FANCL: variants seen among roughly 807,000 people sequenced by gnomAD.
FANCL encodes FA complementation group L, also known as E3 ubiquitin-protein ligase FANCL.
In FANCL, 69 loss-of-function variants were observed where a neutral mutation model predicts 59.4. That is an observed-to-expected ratio of 1.16 (90% confidence interval 0.96 to 1.42). The LOEUF is 1.42. Ranked by LOEUF, FANCL falls within the 40% of genes most tolerant of loss-of-function variation. The pLI, the probability that FANCL is intolerant of heterozygous loss-of-function variation, is 0.00. For synonymous variants in FANCL, 180 were observed against 147.1 expected (o/e 1.22, Z -1.62); for missense variants, 519 against 447.2 (o/e 1.16, Z -1.45).
chr2:58,192,583 T>A (rs912989700), intron 7 of FANCL, among the ~76,000 whole-genome samples: 1 of 152,006 alleles, frequency 6.6e-6, no homozygotes, highest in Non-Finnish European at 1.5e-5. Context: ...AATATCTTCA[T>A]AATAATGTAA....
At chr2:58,198,710 T>A (rs781090269) in intron 6 of FANCL, 48 bp from the exon 7 acceptor site, 6 of 1,438,242 alleles carry the variant, frequency 4.2e-6, no homozygotes, top group Middle Eastern at 1.8e-4. Flanking sequence ...TGTGTGTTAA[T>A]ATCACTGAGG....
chr2:58,224,994 A>T (rs1051487516), intron 4 of FANCL, among the ~76,000 whole-genome samples: 1 of 151,936 alleles, frequency 6.6e-6, no homozygotes, highest in African/African-American at 2.4e-5. Flanking sequence ...CCCACAAAGA[A>T]ATCATGATTC....
At chr2:58,226,620 G>T in intron 4 of FANCL, 108 bp downstream of exon 4, 1 of 813,828 alleles carries the variant, frequency 1.2e-6, no homozygotes, top group Non-Finnish European at 2.1e-6. Flanking sequence ...TCAAATGACT[G>T]AGAGTTAAGA....
At chr2:58,178,193 C>G (rs1016383717) in intron 7 of FANCL, among the ~76,000 whole-genome samples, 2 of 152,126 alleles carry the variant, frequency 1.3e-5, no homozygotes, top group African/African-American at 4.8e-5. Context: ...CCTTCTGAAA[C>G]TATTTCAAAC....
At chr2:58,159,862 G>A in intron 13 of FANCL, 62 bp from the exon 14 acceptor site, 2 of 1,602,822 alleles carry the variant, frequency 1.2e-6, no homozygotes, top group Non-Finnish European at 1.7e-6. Flanking sequence ...AAATTGCTTT[G>A]TACTAGAAAT....
At chr2:58,211,648 C>A (rs1428185380) in intron 5 of FANCL, among the ~76,000 whole-genome samples, 1 of 151,526 alleles carries the variant, frequency 6.6e-6, no homozygotes, top group Non-Finnish European at 1.5e-5. Flanking sequence ...AAACTAAATG[C>A]TTTTAATAGC....
chr2:58,235,314 T>G (rs2103967992), intron 1 of FANCL, among the ~76,000 whole-genome samples: 1 of 151,894 alleles, frequency 6.6e-6, no homozygotes, highest in East Asian at 1.9e-4. Context: ...CAAAACAATC[T>G]CAAAGTTCAT....
Position 58,202,692 on chromosome 2 carries a change from T to C in FANCL, c.471+1438A>G, listed in dbSNP as rs182883988. 8.6e-5 allele frequency among the ~76,000 whole-genome samples: 13 copies of C among 151,712 alleles called. No homozygotes were observed. The East Asian group carries it at 2.5e-3, about 29-fold the overall frequency. Reference sequence around the variant, plus strand: ...CATCATCTTATCTACCTTGAAAAAGTATAGAAAAAAGCAGACAAAATGGAC... The same window carrying C: ...CATCATCTTATCTACCTTGAAAAAGCATAGAAAAAAGCAGACAAAATGGAC... On this transcript the variant is annotated intron_variant, in intron 6 of 13. Coordinates refer to ENST00000233741, the MANE Select transcript of FANCL (RefSeq NM_018062.4).
At chr2:58,170,967 C>T (rs13428078) in intron 7 of FANCL, among the ~76,000 whole-genome samples, 10 of 152,046 alleles carry the variant, frequency 6.6e-5, no homozygotes, top group Non-Finnish European at 8.8e-5. Context: ...GACAGATCAA[C>T]GAGACACAAA....
intron 9 of FANCL, 82 bp downstream of exon 9, chr2:58,163,352 C>T: frequency 3.1e-6 from 3 of 952,768 alleles, no homozygotes; most frequent in Admixed American, 1.9e-5. Flanking sequence ...CATTAATATA[C>T]TAATATTGTC....
chr2:58,241,344 T>C, upstream of FANCL: 2 of 1,607,804 alleles, frequency 1.2e-6, no homozygotes, highest in Non-Finnish European at 1.7e-6. Context: ...ACAGAAAAGC[T>C]CTAGACCTGC....
At chr2:58,217,995 A>G (rs1692020000) in intron 5 of FANCL, among the ~76,000 whole-genome samples, 1 of 152,132 alleles carries the variant, frequency 6.6e-6, no homozygotes, top group African/African-American at 2.4e-5. Context: ...GATAATTAAA[A>G]GGATGATTTC....
At chr2:58,161,498 C>A in intron 12 of FANCL, 24 bp downstream of exon 12, 1 of 1,429,736 alleles carries the variant, frequency 7.0e-7, no homozygotes, top group Non-Finnish European at 9.9e-7. Context: ...GGAAAAAAGT[C>A]TTGACAATAT....
intron 7 of FANCL, among the ~76,000 whole-genome samples, chr2:58,175,087 G>T (rs562583530): frequency 1.3e-5 from 2 of 150,614 alleles, no homozygotes; most frequent in Non-Finnish European, 2.9e-5. Flanking sequence ...AAACCAGGAA[G>T]AAGTTGAATC....
At chr2:58,238,671 A>C (rs1161873767) in intron 1 of FANCL, among the ~76,000 whole-genome samples, 2 of 152,334 alleles carry the variant, frequency 1.3e-5, no homozygotes, top group Admixed American at 1.3e-4. Flanking sequence ...AGTAAGTTCC[A>C]TGGAGACTTT....
chr2:58,171,345 A>C (rs1164666635), intron 7 of FANCL, among the ~76,000 whole-genome samples: 2 of 152,214 alleles, frequency 1.3e-5, no homozygotes, highest in Admixed American at 6.5e-5. Context: ...ACAAAGACAC[A>C]ATGTACCAGA....
Position 58,226,710 on chromosome 2 carries a change from A to AG in FANCL, c.273+17_273+18insC. The stretch of plus-strand genomic sequence containing the variant: ...CTTGCAGTATGGTAACAGTGTCAGA[A>AG]AAAAAAAAAATTCTTACCAAAAGCA... On this transcript the variant is annotated intron_variant, in intron 4 of 13. Coordinates refer to ENST00000233741, the MANE Select transcript of FANCL (RefSeq NM_018062.4). The AG allele has an allele frequency of 6.3e-7, 1 of 1,583,138 alleles. No individual in the cohort carries two copies. Among genetic ancestry groups the AG allele is most frequent in the South Asian group, 1.1e-5 (1 of 89,648 alleles).
At chr2:58,194,614 G>A (rs1034976207) in intron 7 of FANCL, among the ~76,000 whole-genome samples, 2 of 151,990 alleles carry the variant, frequency 1.3e-5, no homozygotes, top group East Asian at 1.9e-4. Context: ...CCTTGCCCTT[G>A]GTGCTGATTT....
intron 6 of FANCL, among the ~76,000 whole-genome samples, chr2:58,202,049 T>C (rs1690084115): frequency 6.6e-6 from 1 of 151,784 alleles, no homozygotes. Context: ...AGTTAACGTT[T>C]CAACTATTAG....
Sources: allele counts gnomAD v4.1 joint callset (sites outside exome capture counted in the v4.1 genomes callset), GRCh38; gene constraint gnomAD v4.1.1; transcripts MANE v1.5; gene names NCBI Gene and HGNC (gene_info 2026-07-23, HGNC 2026-07-21).